Variants in PDE1C observed in about 807,000 individuals in gnomAD.
PDE1C encodes the protein dual specificity calcium/calmodulin-dependent 3',5'-cyclic nucleotide phosphodiesterase 1C.
PDE1C carries 62 observed loss-of-function variants against 93.1 expected under a neutral mutation model. The observed-to-expected ratio is 0.67, with a 90% confidence interval of 0.54 to 0.82. PDE1C has a LOEUF of 0.82. Ranked by LOEUF, PDE1C falls within the 40% of genes least tolerant of loss-of-function variation. The probability of loss-of-function intolerance (pLI) is 0.00; values close to 1 mark genes in which losing one functional copy is unlikely to be tolerated. For missense variants in PDE1C, 742 were observed against 884.6 expected, an observed-to-expected ratio of 0.84 and a Z score of 2.04; for synonymous variants, 325 against 310.1, an observed-to-expected ratio of 1.05 and a Z score of -0.50.
chr7:32,338,741 C>G (rs912291844), intron 1 of PDE1C, among the ~76,000 whole-genome samples: 3 of 152,188 alleles, frequency 2.0e-5, no homozygotes, highest in Non-Finnish European at 4.4e-5. Flanking sequence ...CGGTGGCTCA[C>G]GCCTGTAATC....
At chr7:31,775,909 C>T (rs372313635) in intron 16 of PDE1C, among the ~76,000 whole-genome samples, 177 bp from the exon 17 acceptor site, 1 of 152,164 alleles carries the variant, frequency 6.6e-6, no homozygotes, top group African/African-American at 2.4e-5. Context: ...GGAGCATCGC[C>T]TTTGCCTTTG....
At chr7:31,957,143 A>G (rs982526349) in intron 2 of PDE1C, among the ~76,000 whole-genome samples, 2 of 150,468 alleles carry the variant, frequency 1.3e-5, no homozygotes, top group African/African-American at 2.5e-5. Context: ...TTAAAAATAC[A>G]TATGATTTCC....
At chr7:32,337,691 A>AG (rs1451038622) in intron 1 of PDE1C, among the ~76,000 whole-genome samples, 5 of 150,360 alleles carry the variant, frequency 3.3e-5, no homozygotes, top group Admixed American at 1.4e-4. Context: ...GGATTGAATG[A>AG]GATCCCTTAC....
Position 31,828,321 on chromosome 7 carries a change from T to C in PDE1C, c.1256A>G (p.Lys419Arg). 6.2e-7 allele frequency: 1 copy of C among 1,612,660 alleles called. No individual in the cohort carries two copies. Among genetic ancestry groups the C allele is most frequent in the Non-Finnish European group, 8.5e-7 (1 of 1,178,980 alleles). The change falls in exon 12 of 18, where the codon AAG becomes AGG. Residue 419 changes from lysine to arginine, a missense_variant. By Grantham distance (26) the Lys-to-Arg change is conservative (BLOSUM62 2). Transcript: ENST00000396191. ...GLPFSPLCDR[K>R]STMVAQSQVG... is the part of the protein sequence containing the mutation. ...TTGTGACTGAGCAACCATAGTGGAC[T>C]TTCGGTCACACAGAGGAGAAAAAGG...
the PDE1C span, among the ~76,000 whole-genome samples, chr7:31,647,347 G>A: frequency 2.0e-5 from 3 of 152,112 alleles, no homozygotes; most frequent in South Asian, 4.1e-4. Flanking sequence ...AAGATTATAA[G>A]CAGAGATGGA....
chr7:31,984,755 C>A (rs1467372527), intron 2 of PDE1C, among the ~76,000 whole-genome samples: 4 of 152,162 alleles, frequency 2.6e-5, no homozygotes, highest in Non-Finnish European at 4.4e-5. Flanking sequence ...ATTCTGTTTG[C>A]AGATTGTCTG....
upstream of PDE1C, among the ~76,000 whole-genome samples, chr7:32,074,495 A>G (rs1796242130): frequency 6.6e-6 from 1 of 152,234 alleles, no homozygotes; most frequent in African/African-American, 2.4e-5. Context: ...AAAGACATAC[A>G]GCTAATACAT....
chr7:31,880,924 T>G, intron 2 of PDE1C, 64 bp from the exon 3 acceptor site: 1 of 984,418 alleles, frequency 1.0e-6, no homozygotes, highest in Non-Finnish European at 1.6e-6. Context: ...CCTACAACTA[T>G]GGTGATACAT....
chr7:31,958,395 A>T (rs1313971790), intron 2 of PDE1C, among the ~76,000 whole-genome samples: 1 of 152,216 alleles, frequency 6.6e-6, no homozygotes, highest in African/African-American at 2.4e-5. Flanking sequence ...CTGTAAACTG[A>T]TTATTTTTGT....
chr7:31,815,784 A>C (rs543676704), intron 15 of PDE1C, 140 bp downstream of exon 15: 11 of 675,850 alleles, frequency 1.6e-5, no homozygotes, highest in Non-Finnish European at 2.6e-5. Flanking sequence ...CAGCCCAATG[A>C]GGTGGGATCA....
At chr7:32,209,498 G>C in exon 2 of PDE1C, 1 of 1,572,122 alleles carries the variant, frequency 6.4e-7, no homozygotes, top group South Asian at 1.2e-5. Flanking sequence ...CGAGAGAAGC[G>C]GGCCAGTGGT....
At chr7:32,396,681 C>T (rs1006515164) in intron 1 of PDE1C, among the ~76,000 whole-genome samples, 2 of 152,064 alleles carry the variant, frequency 1.3e-5, no homozygotes, top group African/African-American at 4.8e-5. Context: ...ACATGGGTTT[C>T]ACTGTAAAAT....
chr7:32,124,742 T>G (rs184988076), intron 3 of PDE1C, among the ~76,000 whole-genome samples: 145 of 152,280 alleles, frequency 9.5e-4, no homozygotes, highest in African/African-American at 3.2e-3. Flanking sequence ...GACTAAAGAC[T>G]TAAGTGTAAA....
chr7:32,270,512 C>G (rs1450136295), intron 1 of PDE1C, among the ~76,000 whole-genome samples: 2 of 152,084 alleles, frequency 1.3e-5, no homozygotes, highest in Non-Finnish European at 2.9e-5. Flanking sequence ...CCCCAAAGAC[C>G]GTTAGAAAAG....
intron 3 of PDE1C, among the ~76,000 whole-genome samples, chr7:32,097,991 G>A (rs1323925331): frequency 2.0e-5 from 3 of 149,488 alleles, no homozygotes; most frequent in Non-Finnish European, 4.4e-5. Flanking sequence ...AGCACTTTGG[G>A]AGGCCGAGGC....
chr7:31,845,370 T>C (rs1028462865), intron 9 of PDE1C, among the ~76,000 whole-genome samples: 21 of 152,250 alleles, frequency 1.4e-4, no homozygotes, highest in Non-Finnish European at 2.4e-4. Context: ...GTAGGGAATC[T>C]GGGTTCTGTT....
chr7:32,033,295 A>G (rs1448011749), intron 2 of PDE1C, among the ~76,000 whole-genome samples: 1 of 152,092 alleles, frequency 6.6e-6, no homozygotes, highest in East Asian at 1.9e-4. Context: ...AATATAGTAA[A>G]TTACAGCTTA....
chr7:32,147,984 T>TAAAAAAAAAAAAAAAAAAAAAAAAAAAA (rs752433564), intron 3 of PDE1C, among the ~76,000 whole-genome samples: 1 of 79,720 alleles, frequency 1.3e-5, no homozygotes. Flanking sequence ...CCATTTATGC[T>TAAAAAAAAAAAAAAAAAAAAAAAAAAAA]AAAAAAAAAA....
At chr7:32,335,454 G>A (rs1007325914) in intron 1 of PDE1C, among the ~76,000 whole-genome samples, 1 of 152,168 alleles carries the variant, frequency 6.6e-6, no homozygotes, top group Non-Finnish European at 1.5e-5. Context: ...CAGACTGAGT[G>A]GCTTAAAGAA....
Sources: allele counts gnomAD v4.1 joint callset (sites outside exome capture counted in the v4.1 genomes callset), GRCh38; gene constraint gnomAD v4.1.1; transcripts MANE v1.5; gene names NCBI Gene and HGNC (gene_info 2026-07-23, HGNC 2026-07-21).